Variants in NBAS observed in about 807,000 individuals in gnomAD.
NBAS encodes NAG/BC035112 fusion.
Under a neutral mutation model 302.5 loss-of-function variants are expected in NBAS, and 219 were observed. The ratio of observed to expected loss-of-function variants is 0.72; its 90% CI spans 0.65 to 0.81. The LOEUF is 0.81. Among genes scored for constraint, NBAS ranks in the 30% least tolerant of loss-of-function variants. The probability of loss-of-function intolerance (pLI) is 0.00; values close to 1 mark genes in which losing one functional copy is unlikely to be tolerated. For missense variants in NBAS, 2,932 were observed against 2,841.6 expected, an observed-to-expected ratio of 1.03 and a Z score of -0.72; for synonymous variants, 1,118 against 1,021.6, an observed-to-expected ratio of 1.09 and a Z score of -1.80.
chr2:15,147,535 T>A, the NBAS span, among the ~76,000 whole-genome samples: 1 of 151,996 alleles, frequency 6.6e-6, no homozygotes, highest in Admixed American at 6.5e-5. Context: ...GAGGTTGCTG[T>A]GAGCCAAGAT....
chr2:15,536,600 A>G (rs1422870089), intron 7 of NBAS, 49 bp from the exon 8 acceptor site: 6 of 1,467,610 alleles, frequency 4.1e-6, no homozygotes, highest in Non-Finnish European at 5.6e-6. Flanking sequence ...AAACTAGATA[A>G]AAGTTAACAC....
chr2:15,402,702 C>T (rs1009019938), intron 25 of NBAS, among the ~76,000 whole-genome samples: 28 of 152,168 alleles, frequency 1.8e-4, no homozygotes, highest in Non-Finnish European at 3.4e-4. Flanking sequence ...ATGTTACAAC[C>T]TATTACTTTT....
At chr2:15,187,900 T>C (rs1211246437) in intron 49 of NBAS, among the ~76,000 whole-genome samples, 4 of 152,288 alleles carry the variant, frequency 2.6e-5, no homozygotes, top group African/African-American at 7.2e-5. Context: ...AAACTGACAA[T>C]CTGTGCGAAC....
chr2:15,524,373 T>C (rs1468351416), intron 9 of NBAS, among the ~76,000 whole-genome samples: 1 of 152,198 alleles, frequency 6.6e-6, no homozygotes, highest in African/African-American at 2.4e-5. Context: ...CAGATGTTCT[T>C]GAGTAAATGT....
chr2:14,866,863 A>G, the NBAS span, among the ~76,000 whole-genome samples: 1 of 152,220 alleles, frequency 6.6e-6, no homozygotes, highest in Non-Finnish European at 1.5e-5. Flanking sequence ...GCCTTGGCTC[A>G]GTATTTAAGT....
the NBAS span, among the ~76,000 whole-genome samples, chr2:14,993,458 C>A: frequency 1.3e-5 from 2 of 152,180 alleles, no homozygotes; most frequent in African/African-American, 2.4e-5. Flanking sequence ...TGATCTCCAG[C>A]CATTCCATTC....
chr2:15,461,569 T>C (rs549730201), intron 20 of NBAS, 118 bp downstream of exon 20: 13 of 776,880 alleles, frequency 1.7e-5, no homozygotes, highest in Middle Eastern at 3.7e-4. Flanking sequence ...TCTACACTTA[T>C]TAATATTAAA....
At chr2:15,004,710 T>G in the NBAS span, among the ~76,000 whole-genome samples, 1 of 137,830 alleles carries the variant, frequency 7.3e-6, no homozygotes, top group Non-Finnish European at 1.5e-5. Flanking sequence ...GGTTGTGCAA[T>G]GTTGCTCAAG....
chr2:15,396,707 A>C (rs1558302207), intron 26 of NBAS, among the ~76,000 whole-genome samples: 1 of 150,402 alleles, frequency 6.6e-6, no homozygotes, highest in Non-Finnish European at 1.5e-5. Context: ...ACTATTTTCT[A>C]GGGTACTTTT....
chr2:15,470,141 A>G (rs887132644), intron 16 of NBAS, among the ~76,000 whole-genome samples: 1 of 151,882 alleles, frequency 6.6e-6, no homozygotes, highest in African/African-American at 2.4e-5. Context: ...ATGTCTCTTA[A>G]TTCACTTTCC....
chr2:15,117,247 C>T, the NBAS span, among the ~76,000 whole-genome samples: 1 of 152,192 alleles, frequency 6.6e-6, no homozygotes, highest in African/African-American at 2.4e-5. Context: ...CTCAAAATAA[C>T]TCTGCACCCA....
chr2:15,541,283 T>C (rs1446049895), intron 6 of NBAS, among the ~76,000 whole-genome samples: 3 of 152,186 alleles, frequency 2.0e-5, no homozygotes, highest in African/African-American at 4.8e-5. Flanking sequence ...TCCCAGGACC[T>C]GGAATTCAAA....
the NBAS span, among the ~76,000 whole-genome samples, chr2:15,010,469 G>A: frequency 6.6e-6 from 1 of 151,954 alleles, no homozygotes; most frequent in Non-Finnish European, 1.5e-5. Flanking sequence ...ATACCCCTTA[G>A]GTGTCAGGGA....
At chr2:15,357,986 G>A (rs548637205) in intron 32 of NBAS, among the ~76,000 whole-genome samples, 1 of 152,174 alleles carries the variant, frequency 6.6e-6, no homozygotes, top group East Asian at 1.9e-4. Context: ...AAGAATTCTG[G>A]GAAATGGACT....
At chr2:15,368,113 G>A (rs1330592008) in intron 31 of NBAS, among the ~76,000 whole-genome samples, 1 of 148,936 alleles carries the variant, frequency 6.7e-6, no homozygotes, top group East Asian at 2.0e-4. Context: ...ATTTTTTTCT[G>A]AACCATTTGA....
chr2:15,163,400 G>A (rs1389150662), downstream of NBAS, among the ~76,000 whole-genome samples: 1 of 152,226 alleles, frequency 6.6e-6, no homozygotes, highest in Non-Finnish European at 1.5e-5. Context: ...AGAAGCCAGT[G>A]ACATAAACCC....
chr2:15,286,825 C>G (rs1428261115), intron 42 of NBAS, among the ~76,000 whole-genome samples: 1 of 152,132 alleles, frequency 6.6e-6, no homozygotes, highest in Non-Finnish European at 1.5e-5. Flanking sequence ...TTTTGCTCAT[C>G]ATTGTAACCC....
chr2:14,962,813 T>TTAA, the NBAS span, among the ~76,000 whole-genome samples: 1 of 152,196 alleles, frequency 6.6e-6, no homozygotes, highest in African/African-American at 2.4e-5. Context: ...GACACTGAAA[T>TTAA]TTTTAGATTT....
At chr2:15,159,336 A>G in the NBAS span, among the ~76,000 whole-genome samples, 1 of 152,166 alleles carries the variant, frequency 6.6e-6, no homozygotes, top group East Asian at 1.9e-4. Context: ...GAACAATCCC[A>G]TGTTTGGGAT....
Sources: gnomAD v4.1 joint callset for allele counts (sites outside exome capture counted in the v4.1 genomes callset) on GRCh38, gnomAD v4.1.1 for gene constraint, MANE v1.5 for transcripts, NCBI Gene and HGNC (gene_info 2026-07-23, HGNC 2026-07-21) for gene names.